The following STXBP3 variants were observed in gnomAD, a reference collection of about 807,000 sequenced individuals.
The protein encoded by STXBP3 is syntaxin-binding protein 3.
Under a neutral mutation model 85.7 loss-of-function variants are expected in STXBP3, and 41 were observed. That is an observed-to-expected ratio of 0.48 (90% CI 0.37 to 0.62). The LOEUF (loss-of-function observed/expected upper bound fraction) is 0.62, where lower values mean the gene tolerates loss of function less well. Ranked by LOEUF, STXBP3 falls within the 20% of genes least tolerant of loss-of-function variation. The pLI, the probability that STXBP3 is intolerant of heterozygous loss-of-function variation, is 0.00. For synonymous variants in STXBP3, 229 were observed against 231.7 expected, an observed-to-expected ratio of 0.99 and a Z score of 0.10; for missense variants, 563 against 703.1, an observed-to-expected ratio of 0.80 and a Z score of 2.25.
At position 108,802,378 on chromosome 1, in the gene STXBP3, C is replaced by T. The variant is rs1334154298; in HGVS notation, c.1535+2073C>T. Among the ~76,000 whole-genome samples, 7 of 152,242 alleles carry T rather than the reference C, an allele frequency of 4.6e-5. No homozygotes were observed. In the East Asian group the frequency reaches 1.4e-3, roughly 29 times the overall value. On this transcript the variant is annotated intron_variant, in intron 17 of 18. Coordinates refer to ENST00000370008, the MANE Select transcript of STXBP3 (RefSeq NM_007269.4). ...TGCCACTGCACTCCAGCCTAGGTGA[C>T]AGAGCAAGACTCCACCTCAAATTAA...
At chr1:108,800,472 G>A (rs1663211379) in intron 17 of STXBP3, among the ~76,000 whole-genome samples, 167 bp downstream of exon 17, 2 of 152,106 alleles carry the variant, frequency 1.3e-5, no homozygotes, top group Admixed American at 1.3e-4. Flanking sequence ...ATATGAAAAT[G>A]TACTTTATTA....
At chr1:108,786,886 A>G (rs1244576324) in intron 11 of STXBP3, among the ~76,000 whole-genome samples, 2 of 152,208 alleles carry the variant, frequency 1.3e-5, no homozygotes, top group Non-Finnish European at 2.9e-5. Context: ...AAAATATTGC[A>G]TCTTCTGATC....
rs374503722 is a variant in STXBP3 at position 108,746,758 on chromosome 1, G to A, written c.21G>A (p.Glu7=). The A allele has an allele frequency of 5.8e-6, 9 of 1,550,256 alleles. No individual in the cohort carries two copies. In the African/African-American group the frequency reaches 6.9e-5, roughly 12 times the overall value. The change falls in exon 1 of 19, where the codon GAG becomes GAA. Residue 7 remains glutamate (E), a synonymous_variant. Coordinates refer to ENST00000370008, the MANE Select transcript of STXBP3 (RefSeq NM_007269.4). ...GGAAGATGGCGCCGCCGGTGGCAGA[G>A]AGGGGGCTAAAGAGCGTCGTGTGGC... The part of the protein sequence containing the change: MAPPVA[E]RGLKSVVWQK...
chr1:108,772,202 ATATC>A (rs1662467903), intron 6 of STXBP3, among the ~76,000 whole-genome samples: 1 of 18,704 alleles, frequency 5.3e-5, no homozygotes, highest in South Asian at 1.5e-3. Context: ...TAAATACATG[ATATC>A]TATCTGTATC....
At chr1:108,754,689 T>C (rs1362013697) in intron 3 of STXBP3, among the ~76,000 whole-genome samples, 2 of 152,212 alleles carry the variant, frequency 1.3e-5, no homozygotes, top group East Asian at 3.8e-4. Context: ...GGAAACAGTA[T>C]TAAACAGAGC....
intron 13 of STXBP3, 76 bp downstream of exon 13, chr1:108,794,983 T>A: frequency 1.5e-6 from 2 of 1,336,190 alleles, no homozygotes; most frequent in Non-Finnish European, 2.1e-6. Flanking sequence ...ACCTAACTTT[T>A]TGCTTGATAC....
At chr1:108,793,157 A>ATTTTTTTTTTTTTTT (rs745652259) in intron 11 of STXBP3, among the ~76,000 whole-genome samples, 1 of 67,508 alleles carries the variant, frequency 1.5e-5, no homozygotes, top group African/African-American at 6.0e-5. Context: ...TCTTATCTCC[A>ATTTTTTTTTTTTTTT]TTTTTTTTTT....
In STXBP3 at chr1:108,758,144, T is replaced by G. The variant is rs146217706; in HGVS notation, c.259-366T>G. 3.5e-4 allele frequency among the ~76,000 whole-genome samples: 54 copies of G among 152,220 alleles called. No individual in the cohort carries two copies. In the East Asian group the frequency reaches 7.5e-3, roughly 21 times the overall value. ...TCGTTATCCATGTAGATGATACTTA[T>G]AGTATGTTGGTTTCTAGTTCCTTAA... On this transcript the variant is annotated intron_variant, in intron 4 of 18. Transcript: ENST00000370008.
intron 9 of STXBP3, 47 bp downstream of exon 9, chr1:108,779,457 A>G (rs1662669536): frequency 6.5e-7 from 1 of 1,538,264 alleles, no homozygotes; most frequent in African/African-American, 1.4e-5. Context: ...CAAACAGGAT[A>G]GAATATGAGC....
rs76975111 is a variant in STXBP3 at position 108,803,110 on chromosome 1, G to A, written c.1535+2805G>A. ...GGACTGAGGACTTTTCTTTACTTTT[G>A]TTTTATTTTTTCCTTTTCTACAAAA... On this transcript the variant is annotated intron_variant, in intron 17 of 18. Transcript: ENST00000370008. Among the ~76,000 whole-genome samples, 977 of 152,156 alleles carry A rather than the reference G, an allele frequency of 6.4e-3. 8 individuals are homozygous for A. The highest frequency in any genetic ancestry group is 0.022 in the African/African-American group (933 of 41,508).
chr1:108,756,642 T>C, intron 3 of STXBP3, 48 bp from the exon 4 acceptor site: 1 of 1,040,984 alleles, frequency 9.6e-7, no homozygotes, highest in South Asian at 2.2e-5. Flanking sequence ...AAAATTATTT[T>C]AAGTATATAA....
At chr1:108,766,665 G>T (rs1447377292) in intron 6 of STXBP3, among the ~76,000 whole-genome samples, 1 of 152,112 alleles carries the variant, frequency 6.6e-6, no homozygotes, top group African/African-American at 2.4e-5. Context: ...GTGAGAGGTT[G>T]GTTGTCAAAA....
At chr1:108,776,605 A>G (rs1162723888) in intron 8 of STXBP3, among the ~76,000 whole-genome samples, 182 bp downstream of exon 8, 1 of 152,178 alleles carries the variant, frequency 6.6e-6, no homozygotes, top group Admixed American at 6.6e-5. Context: ...GGTATGGTTT[A>G]GAGGGGGATC....
intron 13 of STXBP3, 120 bp downstream of exon 13, chr1:108,795,027 CTT>C: frequency 1.3e-6 from 1 of 756,348 alleles, no homozygotes; most frequent in African/African-American, 1.8e-5. Context: ...CAGACTCTCT[CTT>C]ATCAGGGGAG....
intron 7 of STXBP3, among the ~76,000 whole-genome samples, chr1:108,775,366 A>AG (rs985171159): frequency 6.6e-6 from 1 of 152,156 alleles, no homozygotes; most frequent in African/African-American, 2.4e-5. Context: ...AATGCATAAT[A>AG]GTCACATCAG....
At chr1:108,765,846 ATTTTT>A (rs1221460441) in intron 6 of STXBP3, among the ~76,000 whole-genome samples, 1 of 74,016 alleles carries the variant, frequency 1.4e-5, no homozygotes. Flanking sequence ...TGCTCCCGGC[ATTTTT>A]TTTTTTTTTT....
At position 108,800,366 on chromosome 1, in the gene STXBP3, G is replaced by A. The variant is rs538330465; in HGVS notation, c.1535+61G>A. 1.0e-5 allele frequency: 13 copies of A among 1,282,672 alleles called. No homozygotes were observed. In the Admixed American group the frequency reaches 1.4e-4, roughly 14 times the overall value. The allele number at this position is 1,282,672 out of a possible 1,614,324, so 79.5% of individuals were successfully genotyped here. A position where few individuals can be genotyped will look rare whatever the true frequency, so the allele number is the denominator to read the frequency against. ...TTCTACGGACTAATAATTTAAAATG[G>A]TACACAGATACTCATATTTGGCAAC... On this transcript the variant is annotated intron_variant, in intron 17 of 18. Transcript: ENST00000370008.
In STXBP3 at chr1:108,766,199, A is replaced by G. The variant is rs12065588; in HGVS notation, c.438+6114A>G. ...AACTGGAGAAATCTATTTGTTATGT[A>G]CACACCACAGAAAAATTGCCCCCGC... On this transcript the variant is annotated intron_variant, in intron 6 of 18. Transcript: ENST00000370008. 1.7e-3 allele frequency among the ~76,000 whole-genome samples: 253 copies of G among 151,756 alleles called. 1 individual carries two copies. The highest frequency in any genetic ancestry group is 5.9e-3 in the African/African-American group (243 of 41,354).
intron 1 of STXBP3, among the ~76,000 whole-genome samples, chr1:108,747,496 G>A (rs906795706): frequency 1.3e-5 from 2 of 151,990 alleles, no homozygotes; most frequent in African/African-American, 4.8e-5. Flanking sequence ...GATGTTCTGC[G>A]GTATCATCCA....
Sources: gnomAD v4.1 joint callset for allele counts (sites outside exome capture counted in the v4.1 genomes callset) on GRCh38, gnomAD v4.1.1 for gene constraint, MANE v1.5 for transcripts, NCBI Gene and HGNC (gene_info 2026-07-23, HGNC 2026-07-21) for gene names.